PPFIA2: variants seen among roughly 807,000 people sequenced by gnomAD.
The protein encoded by PPFIA2 is PPFI scaffold protein A2.
A neutral mutation model predicts 175.5 loss-of-function variants in PPFIA2; 46 were observed. The observed-to-expected ratio is 0.26, with a 90% CI of 0.21 to 0.34. PPFIA2 has a LOEUF of 0.34. Among genes scored for constraint, PPFIA2 ranks in the 10% least tolerant of loss-of-function variants. The pLI is 1.00. For synonymous variants in PPFIA2, 568 were observed against 511.4 expected, an observed-to-expected ratio of 1.11 and a Z score of -1.49; for missense variants, 1,179 against 1,506.1, an observed-to-expected ratio of 0.78 and a Z score of 3.60.
intron 3 of PPFIA2, among the ~76,000 whole-genome samples, chr12:81,750,509 G>A (rs939779452): frequency 9.4e-6 from 1 of 106,660 alleles, no homozygotes; most frequent in Admixed American, 1.2e-4. Flanking sequence ...TGATGACTGG[G>A]TTTGGAGCAT....
At chr12:81,724,313 CCTT>C (rs2079739751) in intron 3 of PPFIA2, among the ~76,000 whole-genome samples, 1 of 150,754 alleles carries the variant, frequency 6.6e-6, no homozygotes, top group African/African-American at 2.4e-5. Context: ...TAATTTTGAG[CCTT>C]CTATTTATTT....
At chr12:81,577,231 G>A (rs1206368901) in intron 4 of PPFIA2, among the ~76,000 whole-genome samples, 1 of 151,746 alleles carries the variant, frequency 6.6e-6, no homozygotes, top group Non-Finnish European at 1.5e-5. Flanking sequence ...CTGCTTAGAG[G>A]AAAACCAGAC....
chr12:81,625,184 T>G (rs539005889), intron 4 of PPFIA2, among the ~76,000 whole-genome samples: 1 of 151,974 alleles, frequency 6.6e-6, no homozygotes, highest in African/African-American at 2.4e-5. Flanking sequence ...TACATAAGTA[T>G]GCTGTATATA....
intron 4 of PPFIA2, among the ~76,000 whole-genome samples, chr12:81,670,641 A>G (rs2071225466): frequency 6.6e-6 from 1 of 151,900 alleles, no homozygotes; most frequent in Non-Finnish European, 1.5e-5. Context: ...CAGTCACTGA[A>G]TACAGTTGTT....
chr12:81,523,726 G>A (rs914641214), intron 4 of PPFIA2, among the ~76,000 whole-genome samples: 4 of 152,016 alleles, frequency 2.6e-5, no homozygotes, highest in African/African-American at 7.3e-5. Flanking sequence ...CTTAGAACAC[G>A]AAAATTTTCT....
intron 4 of PPFIA2, among the ~76,000 whole-genome samples, chr12:81,464,902 C>G (rs896003327): frequency 2.0e-5 from 3 of 147,664 alleles, no homozygotes; most frequent in African/African-American, 5.0e-5. Flanking sequence ...AAAAAAACTT[C>G]TAACTTCCCT....
chr12:81,633,915 G>T (rs1386571592), intron 4 of PPFIA2, among the ~76,000 whole-genome samples: 2 of 151,922 alleles, frequency 1.3e-5, no homozygotes, highest in African/African-American at 4.8e-5. Flanking sequence ...TGCCAAAACT[G>T]AGAAGACCAG....
intron 7 of PPFIA2, among the ~76,000 whole-genome samples, chr12:81,417,061 C>G (rs548694539): frequency 6.6e-6 from 1 of 151,764 alleles, no homozygotes; most frequent in African/African-American, 2.4e-5. Context: ...TGAGCAAACA[C>G]TGTTAATAGT....
chr12:81,629,322 T>C (rs1395051296), intron 4 of PPFIA2, among the ~76,000 whole-genome samples: 1 of 152,212 alleles, frequency 6.6e-6, no homozygotes, highest in African/African-American at 2.4e-5. Flanking sequence ...GAAAAGCCTT[T>C]AAGATTAAAA....
chr12:81,524,123 C>T, intron 4 of PPFIA2, among the ~76,000 whole-genome samples: 1 of 152,152 alleles, frequency 6.6e-6, no homozygotes, highest in East Asian at 1.9e-4. Flanking sequence ...ACATCAGTGC[C>T]CAGGAAGAGA....
intron 4 of PPFIA2, among the ~76,000 whole-genome samples, chr12:81,620,432 C>CG (rs2061928864): frequency 6.6e-6 from 1 of 150,744 alleles, no homozygotes; most frequent in African/African-American, 2.4e-5. Flanking sequence ...TTTAATGCAT[C>CG]TTTTTTTTTG....
At chr12:81,731,870 C>T (rs1299830306) in intron 3 of PPFIA2, among the ~76,000 whole-genome samples, 2 of 151,576 alleles carry the variant, frequency 1.3e-5, no homozygotes, top group African/African-American at 4.8e-5. Flanking sequence ...GCCTGGAGTT[C>T]AGCAAGCTCT....
At chr12:81,415,003 T>C (rs2143019202) in intron 7 of PPFIA2, among the ~76,000 whole-genome samples, 1 of 150,032 alleles carries the variant, frequency 6.7e-6, no homozygotes, top group South Asian at 2.1e-4. Flanking sequence ...GGAGAGCAAC[T>C]TCATGTAGTC....
At chr12:81,566,933 A>C (rs2153405904) in intron 4 of PPFIA2, among the ~76,000 whole-genome samples, 1 of 152,374 alleles carries the variant, frequency 6.6e-6, no homozygotes, top group Non-Finnish European at 1.5e-5. Context: ...TTATGGTATA[A>C]GTTTGTTTCA....
chr12:81,564,822 T>C (rs1366673111), intron 4 of PPFIA2, among the ~76,000 whole-genome samples: 3 of 152,136 alleles, frequency 2.0e-5, no homozygotes, highest in Non-Finnish European at 2.9e-5. Flanking sequence ...AAGCAGATAC[T>C]GAGCCTCAAA....
At chr12:81,488,918 T>C (rs2059135040) in intron 4 of PPFIA2, among the ~76,000 whole-genome samples, 1 of 151,862 alleles carries the variant, frequency 6.6e-6, no homozygotes, top group Non-Finnish European at 1.5e-5. Flanking sequence ...ATAAGCTACC[T>C]AATGGAATAT....
intron 3 of PPFIA2, among the ~76,000 whole-genome samples, chr12:81,742,647 A>T (rs2082464238): frequency 6.6e-6 from 1 of 152,226 alleles, no homozygotes; most frequent in Non-Finnish European, 1.5e-5. Context: ...TTCTGAAGTC[A>T]TCAACATTTA....
chr12:81,473,744 G>C (rs2057094877), intron 4 of PPFIA2, among the ~76,000 whole-genome samples: 1 of 152,092 alleles, frequency 6.6e-6, no homozygotes, highest in Non-Finnish European at 1.5e-5. Context: ...GTCCAAGTTA[G>C]AAAAATATCC....
chr12:81,507,233 G>A (rs1327832356), intron 4 of PPFIA2, among the ~76,000 whole-genome samples: 2 of 151,930 alleles, frequency 1.3e-5, no homozygotes, highest in Non-Finnish European at 2.9e-5. Context: ...AATCCGCTTA[G>A]GTCTTTTATA....
Sources: gnomAD v4.1 joint callset for allele counts (sites outside exome capture counted in the v4.1 genomes callset) on GRCh38, gnomAD v4.1.1 for gene constraint, MANE v1.5 for transcripts, NCBI Gene and HGNC (gene_info 2026-07-23, HGNC 2026-07-21) for gene names.